The following ARHGAP19 variants were observed in gnomAD, a reference collection of about 807,000 sequenced individuals.
The protein encoded by ARHGAP19 is rho GTPase-activating protein 19.
A neutral mutation model predicts 60.9 loss-of-function variants in ARHGAP19; 48 were observed. That is an observed-to-expected ratio of 0.79 (90% CI 0.62 to 1.00). The LOEUF is 1.00. Ranked by LOEUF, ARHGAP19 falls within the 50% of genes least tolerant of loss-of-function variation. The probability of loss-of-function intolerance (pLI) is 0.00; values close to 1 mark genes in which losing one functional copy is unlikely to be tolerated. For missense variants in ARHGAP19, 562 were observed against 597.2 expected (o/e 0.94, Z 0.61); for synonymous variants, 209 against 215.5 (o/e 0.97, Z 0.27).
chr10:97,281,462 T>G (rs926252013), intron 1 of ARHGAP19, among the ~76,000 whole-genome samples: 4 of 152,182 alleles, frequency 2.6e-5, no homozygotes, highest in African/African-American at 2.4e-5. Context: ...ATTTCACAAA[T>G]TTAACTATAA....
rs74232149 is a variant in ARHGAP19 at position 97,274,651 on chromosome 10, A to T, written c.57-8526T>A. Reference sequence around the variant, plus strand: ...ATGTATAATTGACGTTTCATGACAAATTTTTTTTAAAGAAACCAAGTAGTT... The same window carrying T: ...ATGTATAATTGACGTTTCATGACAATTTTTTTTTAAAGAAACCAAGTAGTT... On this transcript the variant is annotated intron_variant, in intron 1 of 11. Coordinates refer to ENST00000358531, the MANE Select transcript of ARHGAP19 (RefSeq NM_032900.6). Among the ~76,000 whole-genome samples the T allele has an allele frequency of 4.3e-3, 652 of 152,060 alleles. 10 individuals are homozygous for T. The East Asian group carries it at 0.06, about 14-fold the overall frequency.
chr10:97,256,176 T>G, intron 6 of ARHGAP19, 142 bp downstream of exon 6: 1 of 719,542 alleles, frequency 1.4e-6, no homozygotes, highest in South Asian at 1.7e-5. Flanking sequence ...TGTTACCCCC[T>G]GGGTTTTGCC....
intron 5 of ARHGAP19, among the ~76,000 whole-genome samples, chr10:97,256,948 C>A (rs1450744396): frequency 2.6e-5 from 4 of 151,968 alleles, no homozygotes; most frequent in Non-Finnish European, 5.9e-5. Flanking sequence ...AGTGAAACAC[C>A]GTCTCTACCA....
chr10:97,236,169 G>A (rs768893455), intron 8 of ARHGAP19, among the ~76,000 whole-genome samples: 20 of 151,914 alleles, frequency 1.3e-4, no homozygotes, highest in Non-Finnish European at 5.9e-5. Context: ...TAGAGATGGG[G>A]CTTCACTGTG....
At chr10:97,273,390 T>A (rs561891949) in intron 1 of ARHGAP19, among the ~76,000 whole-genome samples, 1 of 151,582 alleles carries the variant, frequency 6.6e-6, no homozygotes, top group Non-Finnish European at 1.5e-5. Flanking sequence ...CTCGAACTCC[T>A]GACCTCAGGT....
chr10:97,231,943 T>A (rs941460757), intron 9 of ARHGAP19, among the ~76,000 whole-genome samples: 4 of 151,658 alleles, frequency 2.6e-5, no homozygotes, highest in Non-Finnish European at 4.4e-5. Flanking sequence ...GGTTCCAAAT[T>A]CTCCACATCC....
intron 6 of ARHGAP19, 106 bp from the exon 7 acceptor site, chr10:97,246,443 C>A: frequency 1.1e-6 from 1 of 896,014 alleles, no homozygotes; most frequent in Non-Finnish European, 1.7e-6. Context: ...CAGCAGATTA[C>A]TTTTAAAAAG....
Position 97,245,935 on chromosome 10 carries a change from C to CT in ARHGAP19, c.993+336dup, listed in dbSNP as rs1162062657. Among the ~76,000 whole-genome samples, 12 of 150,840 alleles carry CT rather than the reference C, an allele frequency of 8.0e-5. No homozygotes were observed. In the East Asian group the frequency reaches 1.4e-3, roughly 17 times the overall value. On this transcript the variant is annotated intron_variant, in intron 7 of 11. Transcript: ENST00000358531. The stretch of plus-strand genomic sequence containing the variant: ...AAATAAAAATTGTGGGGGGGAGGCA[C>CT]TTTTTTTTTCAAGAGACAGGGTCTC...
chr10:97,289,682 AAAC>A (rs1020374733), intron 1 of ARHGAP19, among the ~76,000 whole-genome samples: 3 of 151,960 alleles, frequency 2.0e-5, no homozygotes, highest in African/African-American at 7.2e-5. Context: ...CAAAAAAACA[AAAC>A]AACAACAACA....
At chr10:97,289,488 A>G (rs1843201469) in intron 1 of ARHGAP19, among the ~76,000 whole-genome samples, 1 of 152,120 alleles carries the variant, frequency 6.6e-6, no homozygotes, top group Non-Finnish European at 1.5e-5. Context: ...CCTACTGATC[A>G]TGTAATTAAC....
At chr10:97,246,688 G>A (rs1842568422) in intron 6 of ARHGAP19, among the ~76,000 whole-genome samples, 1 of 152,130 alleles carries the variant, frequency 6.6e-6, no homozygotes, top group African/African-American at 2.4e-5. Flanking sequence ...CAAATTATAA[G>A]TGGTCTCCAG....
chr10:97,270,911 T>C (rs1488690839), intron 1 of ARHGAP19, among the ~76,000 whole-genome samples: 1 of 152,222 alleles, frequency 6.6e-6, no homozygotes, highest in Non-Finnish European at 1.5e-5. Flanking sequence ...CTATGCTAGA[T>C]GAAACAGTTA....
Position 97,225,879 on chromosome 10 carries a change from G to C in ARHGAP19, c.*243C>G, listed in dbSNP as rs1462049845. 1.3e-5 allele frequency: 7 copies of C among 530,338 alleles called. No homozygotes were observed. Among genetic ancestry groups the C allele is most frequent in the Non-Finnish European group, 2.3e-5 (7 of 299,012 alleles). The allele number at this position is 530,338 out of a possible 1,614,324, so 32.9% of individuals were successfully genotyped here. On this transcript the variant is annotated 3_prime_UTR_variant, in exon 12 of 12. Transcript: ENST00000358531. ...GCTGTATAAGCTGGTTGGATAGTTA[G>C]TGGTTTCCCCATAATATTAAAAAAG...
intron 1 of ARHGAP19, among the ~76,000 whole-genome samples, chr10:97,282,366 A>T (rs1843095710): frequency 6.6e-6 from 1 of 152,238 alleles, no homozygotes; most frequent in African/African-American, 2.4e-5. Context: ...GATCTAAGAC[A>T]GTAAAGAGGT....
intron 8 of ARHGAP19, among the ~76,000 whole-genome samples, chr10:97,237,498 G>C (rs984720275): frequency 6.6e-6 from 1 of 152,074 alleles, no homozygotes; most frequent in Non-Finnish European, 1.5e-5. Context: ...AGTGATGCTG[G>C]AATAAACAAA....
At chr10:97,253,398 G>A (rs1482098745) in intron 6 of ARHGAP19, among the ~76,000 whole-genome samples, 1 of 145,328 alleles carries the variant, frequency 6.9e-6, no homozygotes, top group Non-Finnish European at 1.6e-5. Flanking sequence ...AAAAAAAAGT[G>A]CATCTCATGG....
chr10:97,274,652 T>C (rs1373933125), intron 1 of ARHGAP19, among the ~76,000 whole-genome samples: 2 of 151,830 alleles, frequency 1.3e-5, no homozygotes, highest in Non-Finnish European at 2.9e-5. Context: ...TCATGACAAA[T>C]TTTTTTTAAA....
At chr10:97,267,032 C>T (rs1842907256) in intron 1 of ARHGAP19, among the ~76,000 whole-genome samples, 1 of 152,306 alleles carries the variant, frequency 6.6e-6, no homozygotes, top group South Asian at 2.1e-4. Context: ...TCAGCATTAA[C>T]TCAAAAGTCC....
intron 7 of ARHGAP19, among the ~76,000 whole-genome samples, chr10:97,245,192 A>G (rs947176660): frequency 3.9e-5 from 6 of 151,950 alleles, no homozygotes; most frequent in Non-Finnish European, 7.4e-5. Context: ...TTTTTGGTAG[A>G]GACTGGGTTT....
Sources: allele counts gnomAD v4.1 joint callset (sites outside exome capture counted in the v4.1 genomes callset), GRCh38; gene constraint gnomAD v4.1.1; transcripts MANE v1.5; gene names NCBI Gene and HGNC (gene_info 2026-07-23, HGNC 2026-07-21).